The following DNAJB5 variants were observed in gnomAD, a reference collection of about 807,000 sequenced individuals.
DNAJB5 encodes the protein dnaJ homolog subfamily B member 5.
DNAJB5 carries 12 observed loss-of-function variants against 32.6 expected under a neutral mutation model. The observed-to-expected ratio is 0.37, with a 90% CI of 0.24 to 0.60. The LOEUF is 0.60. DNAJB5 is among the 20% of genes least tolerant of loss of function. The pLI, the probability that DNAJB5 is intolerant of heterozygous loss-of-function variation, is 0.71. For missense variants in DNAJB5, 358 were observed against 554.2 expected (o/e 0.65, Z 3.55); for synonymous variants, 188 against 212.9 (o/e 0.88, Z 1.02).
Position 34,998,353 on chromosome 9 carries a change from G to A in DNAJB5, c.*1094G>A, listed in dbSNP as rs779263455. The A allele has an allele frequency of 3.3e-5, 5 of 152,578 alleles. No homozygotes were observed. Among genetic ancestry groups the A allele is most frequent in the African/African-American group, 4.8e-5 (2 of 41,428 alleles). 9.5% of individuals were successfully genotyped at this position (152,578 alleles called of 1,614,324 possible). A position where few individuals can be genotyped will look rare whatever the true frequency, so the allele number is the denominator to read the frequency against. The stretch of plus-strand genomic sequence containing the variant: ...AGGTTTTCTCACTTTGACAACCCCC[G>A]AATGTTTTTATAGTAGTTTTTTTGT... On this transcript the variant is annotated 3_prime_UTR_variant, in exon 5 of 5. Transcript: ENST00000682809.
At position 34,990,018 on chromosome 9, in the gene DNAJB5, C is replaced by T. The variant is rs1215271815; in HGVS notation, c.-133+187C>T. Reference sequence around the variant, plus strand: ...CTTGGCTGTCACAGGGGGCAGCCAGCGTCTGAGTCGGGGAGGGGAGGGGAG... The same window carrying T: ...CTTGGCTGTCACAGGGGGCAGCCAGTGTCTGAGTCGGGGAGGGGAGGGGAG... On this transcript the variant is annotated intron_variant, in intron 1 of 4. Transcript: ENST00000682809. This position sits in a 1 kb window ranked among gnomAD's most constrained non-coding sequence, Gnocchi z 4.5. Among the ~76,000 whole-genome samples, 2 of 132,052 alleles carry T rather than the reference C, an allele frequency of 1.5e-5. No individual in the cohort carries two copies. Among genetic ancestry groups the T allele is most frequent in the South Asian group, 2.8e-4 (1 of 3,524 alleles). 86.6% of individuals were successfully genotyped at this position (132,052 alleles called of 152,430 possible). A position where few individuals can be genotyped will look rare whatever the true frequency, so the allele number is the denominator to read the frequency against.
rs1194446927 is a variant in DNAJB5 at position 34,993,855 on chromosome 9, T to C, written c.427+411T>C. 6.6e-6 allele frequency among the ~76,000 whole-genome samples: 1 copy of C among 152,178 alleles called. No individual in the cohort carries two copies. Among genetic ancestry groups the C allele is most frequent in the Non-Finnish European group, 1.5e-5 (1 of 68,034 alleles). ...ATAAAAGTCTGGCCCTTAAGCAGCC[T>C]GGGAATTAACTACCAGAGCTCTGAG... On this transcript the variant is annotated intron_variant, in intron 3 of 4. Transcript: ENST00000682809. The surrounding 1 kb of genome is among the most constrained non-coding windows in gnomAD (Gnocchi z 4.7).
chr9:34,996,955 C>A lies in DNAJB5; in HGVS notation c.1030-71C>A. On this transcript the variant is annotated intron_variant, in intron 4 of 4. Transcript: ENST00000682809. The surrounding 1 kb of genome is among the most constrained non-coding windows in gnomAD (Gnocchi z 7.2). ...GCCAGCTGGCACATTCTTTCCCCAC[C>A]TCAGTCTATTTCCTTCCTTCCCACT... The A allele has an allele frequency of 6.3e-7, 1 of 1,593,990 alleles. No homozygotes were observed. The highest frequency in any genetic ancestry group is 8.5e-7 in the Non-Finnish European group (1 of 1,172,206).
chr9:34,990,215 C>G lies in DNAJB5; in HGVS notation c.-132-284C>G, dbSNP rs1827584404. 7.6e-7 allele frequency: 1 copy of G among 1,315,070 alleles called. No individual in the cohort carries two copies. Among genetic ancestry groups the G allele is most frequent in the African/African-American group, 1.5e-5 (1 of 67,378 alleles). The allele number at this position is 1,315,070 out of a possible 1,614,324, so 81.5% of individuals were successfully genotyped here. ...CCGGCCGAGCTCCGCTCTGCCCCGC[C>G]CATCTGCGAGGGAGGAGACTCCCGT... On this transcript the variant is annotated intron_variant, in intron 1 of 4. Transcript: ENST00000682809. The surrounding 1 kb of genome is among the most constrained non-coding windows in gnomAD (Gnocchi z 4.5).
In DNAJB5 at chr9:34,993,973, G is replaced by C. The variant is rs552938126; in HGVS notation, c.427+529G>C. On this transcript the variant is annotated intron_variant, in intron 3 of 4. Coordinates refer to ENST00000682809, the MANE Select transcript of DNAJB5 (RefSeq NM_001349723.3). The surrounding 1 kb of genome is among the most constrained non-coding windows in gnomAD (Gnocchi z 4.7). ...TTTGCCTCCCAGAGGAAGTGGCAGGGATCCAAGGGTGGACGGGGAACTGCT... is the reference window on the plus strand; with the variant it reads ...TTTGCCTCCCAGAGGAAGTGGCAGGCATCCAAGGGTGGACGGGGAACTGCT... Among the ~76,000 whole-genome samples, 16 of 152,332 alleles carry C rather than the reference G, an allele frequency of 1.1e-4. No individual in the cohort carries two copies. In the East Asian group the frequency reaches 3.1e-3, roughly 29 times the overall value.
chr9:34,997,871 G>T lies in DNAJB5; in HGVS notation c.*612G>T, dbSNP rs1054084951. On this transcript the variant is annotated 3_prime_UTR_variant, in exon 5 of 5. Transcript: ENST00000682809. This position sits in a 1 kb window ranked among gnomAD's most constrained non-coding sequence, Gnocchi z 4.1. ...GACACTTTTCATCTGGAGCAGGGGG[G>T]TGAGCTCCTCAGCAGCCTCCGTAAC... 2 of 200,608 alleles carry T rather than the reference G, an allele frequency of 1.0e-5. No homozygotes were observed. Among genetic ancestry groups the T allele is most frequent in the East Asian group, 1.2e-4 (1 of 8,082 alleles). 12.4% of individuals were successfully genotyped at this position (200,608 alleles called of 1,614,324 possible).
chr9:34,990,896 C>T lies in DNAJB5; in HGVS notation c.182+84C>T. On this transcript the variant is annotated intron_variant, in intron 2 of 4. Transcript: ENST00000682809. The surrounding 1 kb of genome is among the most constrained non-coding windows in gnomAD (Gnocchi z 4.5). ...CATCCCCTCCATTGCCTTCCTGCTTCCTCCAACTCATCCTCATCCCCTCTG... is the reference window on the plus strand; with the variant it reads ...CATCCCCTCCATTGCCTTCCTGCTTTCTCCAACTCATCCTCATCCCCTCTG... 1 of 1,390,218 alleles carries T rather than the reference C, an allele frequency of 7.2e-7. No individual in the cohort carries two copies. The highest frequency in any genetic ancestry group is 9.7e-7 in the Non-Finnish European group (1 of 1,034,592). The allele number at this position is 1,390,218 out of a possible 1,614,324, so 86.1% of individuals were successfully genotyped here.
chr9:34,991,250 G>A (rs1462818517), intron 2 of DNAJB5: 2 of 455,446 alleles, frequency 4.4e-6, no homozygotes, highest in African/African-American at 4.0e-5. Flanking sequence ...CTCCATCAAA[G>A]GCAGTGCCAT....
chr9:34,990,269 G>A lies in DNAJB5; in HGVS notation c.-132-230G>A. 7.3e-7 allele frequency: 1 copy of A among 1,372,494 alleles called. No homozygotes were observed. 85.0% of individuals were successfully genotyped at this position (1,372,494 alleles called of 1,614,324 possible). A position where few individuals can be genotyped will look rare whatever the true frequency, so the allele number is the denominator to read the frequency against. On this transcript the variant is annotated intron_variant, in intron 1 of 4. Coordinates refer to ENST00000682809, the MANE Select transcript of DNAJB5 (RefSeq NM_001349723.3). The surrounding 1 kb of genome is among the most constrained non-coding windows in gnomAD (Gnocchi z 4.5). Reference sequence around the variant, plus strand: ...TGACTTCATTGAGTAGGTTCTTGGGGATTGGGGTCGGGTCCTCCCCAGTGA... The same window carrying A: ...TGACTTCATTGAGTAGGTTCTTGGGAATTGGGGTCGGGTCCTCCCCAGTGA...
chr9:34,990,324 C>T lies in DNAJB5; in HGVS notation c.-132-175C>T. The T allele has an allele frequency of 6.9e-7, 1 of 1,456,656 alleles. No homozygotes were observed. Among genetic ancestry groups the T allele is most frequent in the Non-Finnish European group, 9.1e-7 (1 of 1,097,354 alleles). 90.2% of individuals were successfully genotyped at this position (1,456,656 alleles called of 1,614,324 possible). On this transcript the variant is annotated intron_variant, in intron 1 of 4. Transcript: ENST00000682809. This position sits in a 1 kb window ranked among gnomAD's most constrained non-coding sequence, Gnocchi z 4.5. ...CGACAGGAGCTCACTGCCTCTCGGG[C>T]CCTCACAATCACACCTGTCACAGGT...
chr9:34,996,197 G>C lies in DNAJB5; in HGVS notation c.428-68G>C. ...AAGCCTGTGAACTGGGAGCTAGAGG[G>C]CAGGGGGAAGACACTGGGATTGGGG... is the stretch of plus-strand genomic sequence containing the variant. On this transcript the variant is annotated intron_variant, in intron 3 of 4. Transcript: ENST00000682809. The surrounding 1 kb of genome is among the most constrained non-coding windows in gnomAD (Gnocchi z 7.2). The C allele has an allele frequency of 6.5e-7, 1 of 1,546,436 alleles. No individual in the cohort carries two copies. The highest frequency in any genetic ancestry group is 8.7e-7 in the Non-Finnish European group (1 of 1,147,762).
Position 34,996,383 on chromosome 9 carries a change from C to A in DNAJB5, c.546C>A (p.Ile182=). The change falls in exon 4 of 5, where the codon ATC becomes ATA. Residue 182 remains isoleucine, a synonymous_variant. Coordinates refer to ENST00000682809, the MANE Select transcript of DNAJB5 (RefSeq NM_001349723.3). The surrounding 1 kb of genome is among the most constrained non-coding windows in gnomAD (Gnocchi z 7.2). ...TTGGTGGCTCCAACCCCTTCGATAT[C>A]TTCTTTGCCAGCAGCCGCTCCACTC... The part of the protein sequence containing the change: ...SFFGGSNPFD[I]FFASSRSTRP... The A allele has an allele frequency of 6.2e-7, 1 of 1,614,200 alleles. No homozygotes were observed. The highest frequency in any genetic ancestry group is 2.2e-5 in the East Asian group (1 of 44,882).
rs1488971680 is a variant in DNAJB5, at chr9:34,990,123, G to A, written c.-133+292G>A. On this transcript the variant is annotated intron_variant, in intron 1 of 4. Coordinates refer to ENST00000682809, the MANE Select transcript of DNAJB5 (RefSeq NM_001349723.3). The surrounding 1 kb of genome is among the most constrained non-coding windows in gnomAD (Gnocchi z 4.5). The stretch of plus-strand genomic sequence containing the variant: ...TGAGCAGACCAGCCAGCCAGCGCGG[G>A]TGACATCACCGACCACCCTCCCCCG... 7.5e-6 allele frequency: 6 copies of A among 803,244 alleles called. No homozygotes were observed. The East Asian group carries it at 1.8e-4, about 25-fold the overall frequency. 49.8% of individuals were successfully genotyped at this position (803,244 alleles called of 1,614,324 possible).
At position 34,996,130 on chromosome 9, in the gene DNAJB5, G is replaced by A. The variant is rs1333929740; in HGVS notation, c.428-135G>A. 6.0e-6 allele frequency: 7 copies of A among 1,171,606 alleles called. No homozygotes were observed. The allele number at this position is 1,171,606 out of a possible 1,614,324, so 72.6% of individuals were successfully genotyped here. On this transcript the variant is annotated intron_variant, in intron 3 of 4. Transcript: ENST00000682809. This position sits in a 1 kb window ranked among gnomAD's most constrained non-coding sequence, Gnocchi z 7.2. ...GCCAGAAGCCTTTCTTACTCTATTA[G>A]CCTGGCCCTCTCTGTGGGATTTAAA...
At position 34,996,934 on chromosome 9, in the gene DNAJB5, G is replaced by A. The variant is rs1028926370; in HGVS notation, c.1029+68G>A. The A allele has an allele frequency of 1.7e-4, 274 of 1,587,076 alleles. 2 individuals are homozygous for A. The South Asian group carries it at 2.9e-3, about 17-fold the overall frequency. ...GGGGACATTCCCTCTCTTCCCGCCA[G>A]CTGGCACATTCTTTCCCCACCTCAG... On this transcript the variant is annotated intron_variant, in intron 4 of 4. Transcript: ENST00000682809. The surrounding 1 kb of genome is among the most constrained non-coding windows in gnomAD (Gnocchi z 7.2).
In DNAJB5 at chr9:34,996,572, C is replaced by T. The variant is rs748487355; in HGVS notation, c.735C>T (p.His245=). ...AGGTGCAGGACCCCCCAGTGGTGCACGAGCTGCGGGTGTCCCTGGAGGAGA... is the reference window on the plus strand; with the variant it reads ...AGGTGCAGGACCCCCCAGTGGTGCATGAGCTGCGGGTGTCCCTGGAGGAGA... ...RRKVQDPPVV[H]ELRVSLEEIY... Residue 245 remains histidine, a synonymous_variant, in exon 4 of 5, where the codon CAC becomes CAT. Transcript: ENST00000682809. This position sits in a 1 kb window ranked among gnomAD's most constrained non-coding sequence, Gnocchi z 7.2. 1.5e-5 allele frequency: 25 copies of T among 1,613,948 alleles called. No individual in the cohort carries two copies. Among genetic ancestry groups the T allele is most frequent in the East Asian group, 1.1e-4 (5 of 44,878 alleles).
At position 34,993,018 on chromosome 9, in the gene DNAJB5, C is replaced by G; in HGVS notation, c.183-182C>G. 7.0e-7 allele frequency: 1 copy of G among 1,422,090 alleles called. No individual in the cohort carries two copies. Among genetic ancestry groups the G allele is most frequent in the Non-Finnish European group, 9.1e-7 (1 of 1,093,798 alleles). 88.1% of individuals were successfully genotyped at this position (1,422,090 alleles called of 1,614,324 possible). On this transcript the variant is annotated intron_variant, in intron 2 of 4. Coordinates refer to ENST00000682809, the MANE Select transcript of DNAJB5 (RefSeq NM_001349723.3). This position sits in a 1 kb window ranked among gnomAD's most constrained non-coding sequence, Gnocchi z 4.7. ...ACGGAATCACAGAATTCTAGAATGT[C>G]AGAGCCAGAAGAGATCATCTAGTCC...
chr9:34,993,616 C>T lies in DNAJB5; in HGVS notation c.427+172C>T, dbSNP rs1273271207. 6.6e-6 allele frequency among the ~76,000 whole-genome samples: 1 copy of T among 152,122 alleles called. No homozygotes were observed. The highest frequency in any genetic ancestry group is 1.5e-5 in the Non-Finnish European group (1 of 68,010). Reference sequence around the variant, plus strand: ...AGCCCACCCACTACCCAGCTCAGCTCACCCTAGTTCTCCCCGCCTCTCTCT... The same window carrying T: ...AGCCCACCCACTACCCAGCTCAGCTTACCCTAGTTCTCCCCGCCTCTCTCT... On this transcript the variant is annotated intron_variant, in intron 3 of 4. Transcript: ENST00000682809. This position sits in a 1 kb window ranked among gnomAD's most constrained non-coding sequence, Gnocchi z 4.7.
chr9:34,993,405 C>G lies in DNAJB5; in HGVS notation c.388C>G (p.Pro130Ala). 6.2e-7 allele frequency: 1 copy of G among 1,613,678 alleles called. No homozygotes were observed. The highest frequency in any genetic ancestry group is 8.5e-7 in the Non-Finnish European group (1 of 1,179,926). Residue 130 changes from proline (P) to alanine (A), a missense_variant, in exon 3 of 5, where the codon CCC becomes GCC. Pro to Ala is a conservative substitution (Grantham distance 27). Transcript: ENST00000682809. This position sits in a 1 kb window ranked among gnomAD's most constrained non-coding sequence, Gnocchi z 4.7. ...AGAGGCCTATGATGTGCTAAGTGAC[C>G]CCAAGAAACGGGGCCTGTATGACCA... is the stretch of plus-strand genomic sequence containing the variant. ...IAEAYDVLSD[P>A]KKRGLYDQYG... is the part of the protein sequence containing the mutation.
Sources: gnomAD v4.1 joint callset for allele counts (sites outside exome capture counted in the v4.1 genomes callset) on GRCh38, gnomAD v4.1.1 for gene constraint, Gnocchi (gnomAD v3.1) non-coding constraint, MANE v1.5 for transcripts, NCBI Gene and HGNC (gene_info 2026-07-23, HGNC 2026-07-21) for gene names.